SLC15A1: variants seen among roughly 807,000 people sequenced by gnomAD.
The protein encoded by SLC15A1 is solute carrier family 15 member 1.
SLC15A1 carries 83 observed loss-of-function variants against 92.9 expected under a neutral mutation model. The ratio of observed to expected loss-of-function variants is 0.89; its 90% CI spans 0.75 to 1.07. The LOEUF is 1.07. Among genes scored for constraint, SLC15A1 ranks in the 50% least tolerant of loss-of-function variants. The pLI is 0.00. For synonymous variants in SLC15A1, 322 were observed against 318.2 expected (o/e 1.01, Z -0.13); for missense variants, 857 against 880.1 (o/e 0.97, Z 0.33).
At chr13:98,698,188 A>G (rs1193158277) in intron 18 of SLC15A1, among the ~76,000 whole-genome samples, 1 of 152,226 alleles carries the variant, frequency 6.6e-6, no homozygotes, top group Non-Finnish European at 1.5e-5. Flanking sequence ...CAGTTGAGGG[A>G]TACATTTTCA....
At chr13:98,703,745 C>T (rs2088089531) in intron 17 of SLC15A1, among the ~76,000 whole-genome samples, 1 of 151,742 alleles carries the variant, frequency 6.6e-6, no homozygotes, top group Admixed American at 6.6e-5. Flanking sequence ...TTTGTAGAGA[C>T]AGGGGTCTCA....
At chr13:98,698,264 T>C (rs2088039497) in intron 18 of SLC15A1, among the ~76,000 whole-genome samples, 1 of 152,236 alleles carries the variant, frequency 6.6e-6, no homozygotes, top group Non-Finnish European at 1.5e-5. Flanking sequence ...ATAATATTTA[T>C]AGGGTCATAT....
intron 1 of SLC15A1, among the ~76,000 whole-genome samples, chr13:98,747,406 T>A (rs1303212029): frequency 6.6e-6 from 1 of 151,950 alleles, no homozygotes; most frequent in Non-Finnish European, 1.5e-5. Context: ...GGCTGGGAAG[T>A]CTTAGCTCCA....
chr13:98,701,446 A>G (rs2088066231), intron 18 of SLC15A1, among the ~76,000 whole-genome samples: 1 of 151,844 alleles, frequency 6.6e-6, no homozygotes, highest in Admixed American at 6.6e-5. Flanking sequence ...AGTCCTGGGG[A>G]CTTTCTATAT....
At chr13:98,715,515 G>A (rs1401865075) in intron 9 of SLC15A1, among the ~76,000 whole-genome samples, 1 of 152,182 alleles carries the variant, frequency 6.6e-6, no homozygotes, top group East Asian at 1.9e-4. Flanking sequence ...TGACTGACTT[G>A]AAGCAACTGA....
chr13:98,721,762 G>A, intron 6 of SLC15A1, 42 bp downstream of exon 6: 2 of 1,566,974 alleles, frequency 1.3e-6, no homozygotes, highest in Non-Finnish European at 1.8e-6. Context: ...TCCTGGATGT[G>A]TAGTTCATTC....
chr13:98,723,651 C>A (rs371768938), intron 5 of SLC15A1, among the ~76,000 whole-genome samples: 1 of 152,140 alleles, frequency 6.6e-6, no homozygotes, highest in African/African-American at 2.4e-5. Context: ...GAATCCCCTG[C>A]GCACTGACTG....
intron 18 of SLC15A1, among the ~76,000 whole-genome samples, chr13:98,701,284 G>T (rs1353684525): frequency 1.3e-5 from 2 of 152,116 alleles, no homozygotes; most frequent in East Asian, 3.8e-4. Context: ...TTCATATTCT[G>T]TGGGGGGAGA....
intron 1 of SLC15A1, among the ~76,000 whole-genome samples, chr13:98,731,226 T>C (rs1433824904): frequency 1.3e-5 from 2 of 152,216 alleles, no homozygotes; most frequent in African/African-American, 4.8e-5. Context: ...GGCCTCTGTG[T>C]CCTGGGAGGT....
chr13:98,697,397 TA>T (rs1856332910), intron 18 of SLC15A1, among the ~76,000 whole-genome samples: 1 of 152,132 alleles, frequency 6.6e-6, no homozygotes, highest in Non-Finnish European at 1.5e-5. Flanking sequence ...CAGCCTGTAC[TA>T]TTTTGTCATG....
intron 19 of SLC15A1, 39 bp downstream of exon 19, chr13:98,688,431 C>G (rs760048283): frequency 6.2e-7 from 1 of 1,606,456 alleles, no homozygotes; most frequent in South Asian, 1.1e-5. Flanking sequence ...AAGAAAAATT[C>G]TTGAACCTTT....
intron 16 of SLC15A1, among the ~76,000 whole-genome samples, chr13:98,705,795 G>C (rs2088108116): frequency 1.3e-5 from 2 of 151,832 alleles, no homozygotes; most frequent in Non-Finnish European, 2.9e-5. Flanking sequence ...AGGAGGCTAA[G>C]GCAGAAGAAA....
intron 15 of SLC15A1, among the ~76,000 whole-genome samples, chr13:98,707,389 C>T (rs545715046): frequency 1.3e-5 from 2 of 152,190 alleles, no homozygotes; most frequent in Admixed American, 1.3e-4. Flanking sequence ...GTGAAATTAG[C>T]CAGTCACAAA....
At chr13:98,721,663 TACTA>T in intron 6 of SLC15A1, 78 bp from the exon 7 acceptor site, 2 of 1,259,400 alleles carry the variant, frequency 1.6e-6, no homozygotes, top group East Asian at 2.3e-5. Context: ...CTCATTTTAC[TACTA>T]ACTTAGTTTT....
intron 9 of SLC15A1, 55 bp from the exon 10 acceptor site, chr13:98,712,639 G>T (rs1158199369): frequency 7.6e-7 from 1 of 1,316,904 alleles, no homozygotes; most frequent in South Asian, 1.2e-5. Flanking sequence ...CTTTGTCAGG[G>T]AAGCACATTT....
chr13:98,723,866 G>A (rs776243160), intron 5 of SLC15A1, 46 bp downstream of exon 5: 29 of 1,610,792 alleles, frequency 1.8e-5, no homozygotes, highest in East Asian at 6.7e-5. Context: ...CATCAAATGC[G>A]CACAAGGTGG....
chr13:98,728,530 G>A (rs1205006638), intron 1 of SLC15A1, among the ~76,000 whole-genome samples: 3 of 152,040 alleles, frequency 2.0e-5, no homozygotes, highest in African/African-American at 7.2e-5. Flanking sequence ...AGGTAGTAGT[G>A]GGTAGAATGG....
In SLC15A1 at chr13:98,726,150, A is replaced by G. The variant is rs778496678; in HGVS notation, c.218T>C (p.Ile73Thr). 1.9e-6 allele frequency: 3 copies of G among 1,614,190 alleles called. 1 individual carries two copies. The highest frequency in any genetic ancestry group is 2.2e-5 in the South Asian group (2 of 91,072). ...CYLTPILGAL[I>T]ADSWLGKFKT... is the part of the protein sequence containing the mutation. ...GAACTTTCCCAGCCACGAGTCGGCGATAAGAGCTCCGAGAATTGGCGTCAG... is the reference window on the plus strand; with the variant it reads ...GAACTTTCCCAGCCACGAGTCGGCGGTAAGAGCTCCGAGAATTGGCGTCAG... The change falls in exon 4 of 23, where the codon ATC (isoleucine) becomes ACC (threonine). Residue 73 changes from isoleucine to threonine, a missense_variant. Coordinates refer to ENST00000376503, the MANE Select transcript of SLC15A1 (RefSeq NM_005073.4).
At chr13:98,747,374 C>A (rs2088501311) in intron 1 of SLC15A1, among the ~76,000 whole-genome samples, 1 of 152,146 alleles carries the variant, frequency 6.6e-6, no homozygotes, top group African/African-American at 2.4e-5. Flanking sequence ...AGAGCTTCTG[C>A]CTCCACCATG....
Sources: gnomAD v4.1 joint callset for allele counts (sites outside exome capture counted in the v4.1 genomes callset) on GRCh38, gnomAD v4.1.1 for gene constraint, MANE v1.5 for transcripts, NCBI Gene and HGNC (gene_info 2026-07-23, HGNC 2026-07-21) for gene names.